The following COL5A1 variants were observed in gnomAD, a reference collection of about 807,000 sequenced individuals.
The protein encoded by COL5A1 is collagen alpha-1(V) chain.
COL5A1 carries 16 observed loss-of-function variants against 263.7 expected under a neutral mutation model. That is an observed-to-expected ratio of 0.06 (90% CI 0.04 to 0.09). COL5A1 has a LOEUF of 0.09. COL5A1 is among the 10% of genes least tolerant of loss of function. COL5A1 has a pLI of 1.00. For synonymous variants in COL5A1, 1,012 were observed against 1,004.5 expected, an observed-to-expected ratio of 1.01 and a Z score of -0.14; for missense variants, 2,036 against 2,540.5, an observed-to-expected ratio of 0.80 and a Z score of 4.27.
intron 4 of COL5A1, 53 bp downstream of exon 4, chr9:134,701,386 G>A (rs1305486043): frequency 6.3e-7 from 1 of 1,575,092 alleles, no homozygotes; most frequent in Non-Finnish European, 8.7e-7. Context: ...TCCTCCTGTG[G>A]AGCCACTGTG....
chr9:134,812,151 G>A (rs149448531), intron 46 of COL5A1, among the ~76,000 whole-genome samples: 61 of 152,296 alleles, frequency 4.0e-4, no homozygotes, highest in African/African-American at 1.4e-3. Context: ...CCAGCATCTG[G>A]TGGTGACATA....
intron 11 of COL5A1, among the ~76,000 whole-genome samples, chr9:134,748,613 G>A (rs755414829): frequency 9.9e-5 from 15 of 152,210 alleles, no homozygotes; most frequent in Non-Finnish European, 1.6e-4. Flanking sequence ...TTTTAAACAC[G>A]ATTTTTGTCT....
chr9:134,655,966 C>T lies in COL5A1; in HGVS notation c.109+13670C>T, dbSNP rs1205016177. 2.6e-5 allele frequency among the ~76,000 whole-genome samples: 4 copies of T among 152,320 alleles called. No individual in the cohort carries two copies. In the East Asian group the frequency reaches 5.8e-4, roughly 22 times the overall value. On this transcript the variant is annotated intron_variant, in intron 1 of 65. Coordinates refer to ENST00000371817, the MANE Select transcript of COL5A1 (RefSeq NM_000093.5). ...GTTGGAGTTCTCTGGGTCTGTAACC[C>T]TGGCCCGGAGTTGCCTGGTGTTTTC...
chr9:134,777,282 C>T (rs1308864694), intron 27 of COL5A1, among the ~76,000 whole-genome samples: 1 of 152,264 alleles, frequency 6.6e-6, no homozygotes, highest in Non-Finnish European at 1.5e-5. Context: ...CTGGGCTGTG[C>T]GCACATCTGG....
chr9:134,801,481 G>A (rs1838111081), intron 37 of COL5A1, among the ~76,000 whole-genome samples: 1 of 152,246 alleles, frequency 6.6e-6, no homozygotes, highest in South Asian at 2.1e-4. Context: ...GAGCTTGTGT[G>A]GCTTCGTTAC....
At chr9:134,811,628 C>A in intron 46 of COL5A1, 29 bp downstream of exon 46, 1 of 1,504,294 alleles carries the variant, frequency 6.6e-7, no homozygotes, top group Non-Finnish European at 9.1e-7. Context: ...CCACACCGGG[C>A]TCCTCCGCTT....
At chr9:134,759,714 C>A (rs370595597) in intron 18 of COL5A1, among the ~76,000 whole-genome samples, 2,587 of 77,418 alleles carry the variant, frequency 0.033, 134 homozygotes, top group African/African-American at 0.064. Flanking sequence ...ATGCACACAC[C>A]CCCCCACCCC....
chr9:134,766,497 T>A lies in COL5A1; in HGVS notation c.2132T>A (p.Val711Glu). ...MDGQPGPKGN[V>E]GPQGEPGPPG... ...GGCCAGCCGGGGCCAAAAGGAAATG[T>A]GGTAAGTCCCTGGGGTCCCGTGGCC... Residue 711 changes from valine (V) to glutamate (E), a missense_variant and splice_region_variant, in exon 22 of 66, where the codon GTG becomes GAG. Val to Glu is a moderately radical substitution (Grantham distance 121). Around this residue, in one of 3 missense-constraint regions of COL5A1, gnomAD observed 1,078 missense variants for 1,521.4 expected, o/e 0.71. Transcript: ENST00000371817. 6.2e-7 allele frequency: 1 copy of A among 1,614,110 alleles called. No individual in the cohort carries two copies. The highest frequency in any genetic ancestry group is 8.5e-7 in the Non-Finnish European group (1 of 1,180,016).
rs186731627 is a variant in COL5A1, at chr9:134,782,105, C to G, written c.2431-562C>G. Among the ~76,000 whole-genome samples the G allele has an allele frequency of 7.2e-5, 11 of 152,310 alleles. No individual in the cohort carries two copies. The East Asian group carries it at 2.1e-3, about 29-fold the overall frequency. ...ACGGACAGCAGGGGGCACTGACGCGCGGCAGCCTCACTTGGGTCCCAGGTT... is the reference window on the plus strand; with the variant it reads ...ACGGACAGCAGGGGGCACTGACGCGGGGCAGCCTCACTTGGGTCCCAGGTT... On this transcript the variant is annotated intron_variant, in intron 28 of 65. Coordinates refer to ENST00000371817, the MANE Select transcript of COL5A1 (RefSeq NM_000093.5).
intron 63 of COL5A1, among the ~76,000 whole-genome samples, chr9:134,826,256 G>A (rs1300570917): frequency 2.0e-5 from 3 of 152,194 alleles, no homozygotes; most frequent in Non-Finnish European, 2.9e-5. Context: ...TAAAGGAATT[G>A]GGAGCAGGTA....
chr9:134,654,114 G>A (rs1390793259), intron 1 of COL5A1, among the ~76,000 whole-genome samples: 7 of 143,200 alleles, frequency 4.9e-5, no homozygotes, highest in Non-Finnish European at 9.2e-5. Flanking sequence ...GAGTGTGTAG[G>A]GCTTAGGGTG....
Position 134,780,135 on chromosome 9 carries a change from A to G in COL5A1, c.2419A>G (p.Lys807Glu). ...TGGCATCCGTGGTCTGAAGGGCACA[A>G]AGGGCGAGAAGGTAAGTCTCTCCTT... is the stretch of plus-strand genomic sequence containing the variant. ...ADGIRGLKGTKGEKGEDGFPG... is the reference protein window; with the variant it reads ...ADGIRGLKGTEGEKGEDGFPG... The change falls in exon 28 of 66, where the codon AAG (lysine) becomes GAG (glutamate). Residue 807 changes from lysine (K) to glutamate (E), a missense_variant. Lys to Glu is a moderately conservative substitution (Grantham distance 56). Around this residue, in one of 3 missense-constraint regions of COL5A1, gnomAD observed 1,078 missense variants for 1,521.4 expected, o/e 0.71. Coordinates refer to ENST00000371817, the MANE Select transcript of COL5A1 (RefSeq NM_000093.5). The G allele has an allele frequency of 3.1e-6, 5 of 1,613,350 alleles. No individual in the cohort carries two copies. The highest frequency in any genetic ancestry group is 2.7e-5 in the African/African-American group (2 of 75,042).
chr9:134,812,735 T>C (rs567292565), intron 48 of COL5A1, 23 bp downstream of exon 48: 1 of 1,489,742 alleles, frequency 6.7e-7, no homozygotes, highest in Admixed American at 2.0e-5. Flanking sequence ...CCTGCTCTGG[T>C]GGCAGATTTG....
intron 24 of COL5A1, among the ~76,000 whole-genome samples, chr9:134,768,188 G>A (rs183660228): frequency 1.2e-3 from 187 of 152,314 alleles, no homozygotes; most frequent in Non-Finnish European, 1.8e-3. Flanking sequence ...GACTGATTCC[G>A]TTCCTACAGC....
chr9:134,826,660 G>GTGGGTGTGTGT (rs1564488933), intron 63 of COL5A1, among the ~76,000 whole-genome samples: 17 of 117,188 alleles, frequency 1.5e-4, no homozygotes, highest in African/African-American at 7.3e-4. Flanking sequence ...GTGGCTGGTG[G>GTGGGTGTGTGT]ATGGGTGTGT....
At chr9:134,828,691 A>T (rs1189391226) in intron 63 of COL5A1, among the ~76,000 whole-genome samples, 2 of 151,020 alleles carry the variant, frequency 1.3e-5, no homozygotes, top group Non-Finnish European at 2.9e-5. Flanking sequence ...CACACCACAC[A>T]TACCACATAC....
intron 37 of COL5A1, among the ~76,000 whole-genome samples, chr9:134,801,482 G>C (rs1181881057): frequency 6.6e-6 from 1 of 152,236 alleles, no homozygotes; most frequent in South Asian, 2.1e-4. Context: ...AGCTTGTGTG[G>C]CTTCGTTACC....
intron 1 of COL5A1, among the ~76,000 whole-genome samples, chr9:134,658,270 C>T (rs987252767): frequency 3.3e-5 from 5 of 152,156 alleles, no homozygotes; most frequent in Non-Finnish European, 7.4e-5. Context: ...GGACCCCGGC[C>T]TCCGCAGCCC....
chr9:134,723,634 C>T (rs1416850135), intron 4 of COL5A1, among the ~76,000 whole-genome samples: 2 of 152,204 alleles, frequency 1.3e-5, no homozygotes, highest in East Asian at 1.9e-4. Context: ...TGCAAGGGAA[C>T]GGGTGCTGGC....
Sources: gnomAD v4.1 joint callset for allele counts (sites outside exome capture counted in the v4.1 genomes callset) on GRCh38, gnomAD v4.1.1 for gene constraint, gnomAD v4.1.1 regional missense constraint, MANE v1.5 for transcripts, NCBI Gene and HGNC (gene_info 2026-07-23, HGNC 2026-07-21) for gene names.